LRFN5: variants seen among roughly 807,000 people sequenced by gnomAD.
LRFN5 encodes leucine rich repeat and fibronectin type III domain containing 5.
LRFN5 carries 24 observed loss-of-function variants against 45.6 expected under a neutral mutation model. The observed-to-expected ratio is 0.53, with a 90% CI of 0.38 to 0.74. LRFN5 has a LOEUF of 0.74. Among genes scored for constraint, LRFN5 ranks in the 30% least tolerant of loss-of-function variants. The probability of loss-of-function intolerance (pLI) is 0.00; values close to 1 mark genes in which losing one functional copy is unlikely to be tolerated. For synonymous variants in LRFN5, 340 were observed against 313.8 expected (o/e 1.08, Z -0.88); for missense variants, 776 against 861.5 (o/e 0.90, Z 1.24).
intron 1 of LRFN5, among the ~76,000 whole-genome samples, chr14:41,734,316 T>TTATTTATATATATATA (rs1441190358): frequency 5.2e-5 from 2 of 38,768 alleles, no homozygotes; most frequent in African/African-American, 1.1e-4. Flanking sequence ...TGGACTGGTT[T>TTATTTATATATATATA]TATATATATA....
intron 1 of LRFN5, among the ~76,000 whole-genome samples, chr14:41,648,252 G>GA (rs1179963222): frequency 6.6e-6 from 1 of 151,798 alleles, no homozygotes; most frequent in Non-Finnish European, 1.5e-5. Context: ...AAGTGTTCAA[G>GA]AAAAAAATTG....
chr14:41,668,439 A>G (rs778730237), intron 1 of LRFN5, among the ~76,000 whole-genome samples: 17 of 152,192 alleles, frequency 1.1e-4, no homozygotes, highest in Non-Finnish European at 2.4e-4. Context: ...AATCACACAT[A>G]TCTATGCATT....
intron 2 of LRFN5, among the ~76,000 whole-genome samples, chr14:41,795,759 C>T (rs1480150209): frequency 2.0e-5 from 3 of 150,228 alleles, no homozygotes; most frequent in Non-Finnish European, 4.5e-5. Context: ...GGGAACATCA[C>T]ACACCAGGGC....
chr14:41,779,835 G>A (rs1324027598), intron 2 of LRFN5, among the ~76,000 whole-genome samples: 2 of 151,852 alleles, frequency 1.3e-5, no homozygotes, highest in Admixed American at 6.6e-5. Context: ...AATTTCTGAT[G>A]TAGTAATTTG....
intron 2 of LRFN5, among the ~76,000 whole-genome samples, chr14:41,839,835 C>T (rs535397973): frequency 5.3e-5 from 8 of 152,134 alleles, no homozygotes; most frequent in Middle Eastern, 3.4e-3. Context: ...TTCTAACCAG[C>T]GGGTATTGCT....
intron 1 of LRFN5, among the ~76,000 whole-genome samples, chr14:41,638,679 G>T (rs527999672): frequency 6.6e-6 from 1 of 152,058 alleles, no homozygotes; most frequent in Non-Finnish European, 1.5e-5. Flanking sequence ...AATAATTTTA[G>T]CCAATTCAAT....
chr14:41,660,464 A>G (rs2138637006), intron 1 of LRFN5, among the ~76,000 whole-genome samples: 1 of 152,204 alleles, frequency 6.6e-6, no homozygotes, highest in South Asian at 2.1e-4. Flanking sequence ...TGAATTTACA[A>G]TTACTAATAT....
intron 2 of LRFN5, among the ~76,000 whole-genome samples, chr14:41,859,077 T>C (rs947321018): frequency 6.6e-6 from 1 of 152,158 alleles, no homozygotes. Flanking sequence ...TCCTGACTTG[T>C]AGCATTTATG....
chr14:41,680,703 C>CT (rs1566618463), intron 1 of LRFN5, among the ~76,000 whole-genome samples: 1 of 152,034 alleles, frequency 6.6e-6, no homozygotes, highest in Non-Finnish European at 1.5e-5. Flanking sequence ...ATACTTAACT[C>CT]TTTAATTCCA....
intron 2 of LRFN5, among the ~76,000 whole-genome samples, chr14:41,779,422 G>C (rs1351880960): frequency 6.6e-6 from 1 of 151,772 alleles, no homozygotes; most frequent in Non-Finnish European, 1.5e-5. Context: ...AGAGCAGTTG[G>C]TCTATAGATT....
chr14:41,826,066 G>A (rs2139023269), intron 2 of LRFN5, among the ~76,000 whole-genome samples: 1 of 152,192 alleles, frequency 6.6e-6, no homozygotes, highest in Non-Finnish European at 1.5e-5. Context: ...CATCTATAAC[G>A]TTGATTATTC....
At chr14:41,775,736 C>G (rs1282348272) in intron 2 of LRFN5, among the ~76,000 whole-genome samples, 1 of 151,962 alleles carries the variant, frequency 6.6e-6, no homozygotes, top group African/African-American at 2.4e-5. Flanking sequence ...TAGGGTAAAC[C>G]TTTTTATAAT....
At chr14:41,794,714 A>G (rs1887056719) in intron 2 of LRFN5, among the ~76,000 whole-genome samples, 1 of 152,054 alleles carries the variant, frequency 6.6e-6, no homozygotes, top group African/African-American at 2.4e-5. Context: ...GTTAATAATA[A>G]GAATATATGG....
intron 1 of LRFN5, among the ~76,000 whole-genome samples, chr14:41,674,905 C>A (rs1197431849): frequency 1.5e-4 from 22 of 151,656 alleles, no homozygotes; most frequent in African/African-American, 5.3e-4. Flanking sequence ...CGGGCAGAGA[C>A]GCTCCTCACC....
At chr14:41,757,241 A>G (rs12894063) in intron 1 of LRFN5, among the ~76,000 whole-genome samples, 40,377 of 152,048 alleles carry the variant, frequency 0.27, 5,820 homozygotes, top group South Asian at 0.43. Context: ...TTGTTCTCAG[A>G]TCTCCAGCTG....
chr14:41,811,544 C>A (rs552919802), intron 2 of LRFN5, among the ~76,000 whole-genome samples: 1 of 152,032 alleles, frequency 6.6e-6, no homozygotes, highest in South Asian at 2.1e-4. Flanking sequence ...CTGATAAATC[C>A]ATAAATAAAC....
At chr14:41,781,605 AAAGAAAGAAAGAGAAAGAAAGAAAGAAAG>A (rs1886511237) in intron 2 of LRFN5, among the ~76,000 whole-genome samples, 1 of 97,584 alleles carries the variant, frequency 1.0e-5, no homozygotes, top group African/African-American at 5.0e-5. Flanking sequence ...AGAAAGAAAG[AAAGAAAGAAAGAGAAAGAAAGAAAGAAAG>A]GAAAGAAAGA....
intron 1 of LRFN5, among the ~76,000 whole-genome samples, chr14:41,625,504 C>T (rs1888297173): frequency 6.6e-6 from 1 of 152,114 alleles, no homozygotes; most frequent in South Asian, 2.1e-4. Flanking sequence ...TACCAAGCCT[C>T]AGCTATTTCT....
At chr14:41,742,143 C>A (rs1884723781) in intron 1 of LRFN5, among the ~76,000 whole-genome samples, 1 of 151,548 alleles carries the variant, frequency 6.6e-6, no homozygotes, top group African/African-American at 2.4e-5. Flanking sequence ...TCCATATGAC[C>A]CCAAAAATGT....
Sources: gnomAD v4.1 joint callset for allele counts (sites outside exome capture counted in the v4.1 genomes callset) on GRCh38, gnomAD v4.1.1 for gene constraint, MANE v1.5 for transcripts, NCBI Gene and HGNC (gene_info 2026-07-23, HGNC 2026-07-21) for gene names.